AVEN: variants seen among roughly 807,000 people sequenced by gnomAD.
The protein encoded by AVEN is cell death regulator Aven.
AVEN carries 41 observed loss-of-function variants against 38.1 expected under a neutral mutation model. That is an observed-to-expected ratio of 1.08 (90% confidence interval 0.84 to 1.40). The LOEUF is 1.40. Ranked by LOEUF, AVEN falls within the 40% of genes most tolerant of loss-of-function variation. The pLI is 0.00. For synonymous variants in AVEN, 206 were observed against 171.8 expected, an observed-to-expected ratio of 1.20 and a Z score of -1.56; for missense variants, 605 against 438.8, an observed-to-expected ratio of 1.38 and a Z score of -3.38.
chr15:33,855,153 C>G (rs115722051), downstream of AVEN, among the ~76,000 whole-genome samples: 1 of 151,882 alleles, frequency 6.6e-6, no homozygotes, highest in East Asian at 1.9e-4. Context: ...ACATTTAGAT[C>G]AACCAGGAGA....
intron 2 of AVEN, among the ~76,000 whole-genome samples, chr15:33,971,656 G>A (rs189984033): frequency 1.7e-4 from 26 of 151,920 alleles, no homozygotes; most frequent in African/African-American, 5.6e-4. Context: ...ATTTTTAAAT[G>A]CATTAAATAT....
chr15:33,854,249 G>A, downstream of AVEN: 1 of 669,878 alleles, frequency 1.5e-6, no homozygotes, highest in South Asian at 1.8e-5. Context: ...TGTCTCATGG[G>A]GAGCACATAC....
chr15:33,918,763 C>A (rs1046551428), intron 2 of AVEN, among the ~76,000 whole-genome samples: 35 of 151,806 alleles, frequency 2.3e-4, no homozygotes, highest in Non-Finnish European at 4.3e-4. Context: ...CCTACAGCAT[C>A]CTTTTTGTAA....
intron 2 of AVEN, among the ~76,000 whole-genome samples, chr15:33,881,133 G>A (rs1056733709): frequency 1.3e-5 from 2 of 152,098 alleles, no homozygotes; most frequent in African/African-American, 4.8e-5. Flanking sequence ...CTGTCACCCT[G>A]GCTGGAGTGC....
At chr15:33,964,772 T>C (rs1895323934) in intron 2 of AVEN, among the ~76,000 whole-genome samples, 1 of 152,158 alleles carries the variant, frequency 6.6e-6, no homozygotes, top group Non-Finnish European at 1.5e-5. Flanking sequence ...GAAGAACACA[T>C]TCCCTATATA....
intron 3 of AVEN, among the ~76,000 whole-genome samples, chr15:33,875,529 A>G (rs1891183492): frequency 6.6e-6 from 1 of 152,214 alleles, no homozygotes; most frequent in Admixed American, 6.5e-5. Context: ...TTAAAGCTGC[A>G]AGGTTAAGGG....
the AVEN span, chr15:33,852,529 T>G: frequency 6.4e-6 from 1 of 155,232 alleles, no homozygotes. Flanking sequence ...ACACTCAGCT[T>G]AAAAAATCCA....
At chr15:34,028,843 C>T (rs1567476844) in intron 1 of AVEN, among the ~76,000 whole-genome samples, 1 of 151,640 alleles carries the variant, frequency 6.6e-6, no homozygotes, top group Non-Finnish European at 1.5e-5. Flanking sequence ...CCACCATCAT[C>T]GGCCACCACA....
chr15:33,952,729 G>A (rs1011455108), intron 2 of AVEN, among the ~76,000 whole-genome samples: 6 of 151,874 alleles, frequency 4.0e-5, no homozygotes, highest in Non-Finnish European at 7.4e-5. Context: ...AAACAGCATG[G>A]ACAAGAATTT....
Position 34,039,061 on chromosome 15 carries a change from C to G in AVEN, c.-15G>C, listed in dbSNP as rs891905059. 3.7e-6 allele frequency: 4 copies of G among 1,092,092 alleles called. No homozygotes were observed. Among genetic ancestry groups the G allele is most frequent in the Non-Finnish European group, 2.2e-6 (2 of 899,862 alleles). 67.7% of individuals were successfully genotyped at this position (1,092,092 alleles called of 1,614,324 possible). On this transcript the variant is annotated 5_prime_UTR_variant, in exon 1 of 6. Coordinates refer to ENST00000306730, the MANE Select transcript of AVEN (RefSeq NM_020371.3). ...TCCGCCTGCATCTGGCCGCCGCTGG[C>G]GGTGCTGAGCGCGCGGGAGCCGAGC...
chr15:34,035,360 T>G (rs927636337), intron 1 of AVEN, among the ~76,000 whole-genome samples: 3 of 152,170 alleles, frequency 2.0e-5, no homozygotes, highest in Non-Finnish European at 2.9e-5. Context: ...TAAAACCTTA[T>G]AACCATACTA....
In AVEN at chr15:34,004,444, A is replaced by G. The variant is rs539250699; in HGVS notation, c.268-1235T>C. Among the ~76,000 whole-genome samples, 32 of 152,362 alleles carry G rather than the reference A, an allele frequency of 2.1e-4. 1 individual carries two copies. The South Asian group carries it at 3.7e-3, about 18-fold the overall frequency. On this transcript the variant is annotated intron_variant, in intron 1 of 5. Coordinates refer to ENST00000306730, the MANE Select transcript of AVEN (RefSeq NM_020371.3). The stretch of plus-strand genomic sequence containing the variant: ...AGAGCTTAAGGCATAATCAGTTGTA[A>G]TGTAGGGAACTTATTTGTACTGATT...
At chr15:33,911,848 C>T (rs1407102830) in intron 2 of AVEN, among the ~76,000 whole-genome samples, 1 of 152,214 alleles carries the variant, frequency 6.6e-6, no homozygotes, top group East Asian at 1.9e-4. Context: ...CGTTCCTTTG[C>T]TTCTGATAGA....
intron 1 of AVEN, among the ~76,000 whole-genome samples, chr15:34,017,773 C>A (rs1471207025): frequency 6.6e-6 from 1 of 152,156 alleles, no homozygotes; most frequent in African/African-American, 2.4e-5. Flanking sequence ...AGCCACTGAG[C>A]CTGGCCAGTA....
At chr15:34,039,510 A>AT (rs913232796), upstream of AVEN, among the ~76,000 whole-genome samples, 3 of 152,120 alleles carry the variant, frequency 2.0e-5, no homozygotes, top group East Asian at 1.9e-4. Context: ...AAGTGAGTTA[A>AT]TTTTTTTTCC....
At chr15:33,928,091 G>C (rs1893698728) in intron 2 of AVEN, among the ~76,000 whole-genome samples, 1 of 152,126 alleles carries the variant, frequency 6.6e-6, no homozygotes, top group Admixed American at 6.6e-5. Flanking sequence ...CCACCACGTG[G>C]GTAAAACTGT....
intron 5 of AVEN, among the ~76,000 whole-genome samples, chr15:34,044,671 G>A (rs1899619507): frequency 6.6e-6 from 1 of 152,156 alleles, no homozygotes; most frequent in Non-Finnish European, 1.5e-5. Context: ...CATAGCCTGT[G>A]GCAGGAGTCG....
At position 33,859,745 on chromosome 15, in the gene AVEN, T is replaced by C. The variant is rs527588011; in HGVS notation, n.2730-651A>G. ...CCATCATTCAAGGTATGATTGCCAA[T>C]TGTGTTGAGTATGAACAGGGTTTAA... On this transcript the variant is annotated intron_variant and non_coding_transcript_variant, in intron 11 of 11. Transcript: ENST00000675287. 6.8e-5 allele frequency: 108 copies of C among 1,598,782 alleles called. No homozygotes were observed. In the South Asian group the frequency reaches 1.0e-3, roughly 15 times the overall value.
intron 2 of AVEN, among the ~76,000 whole-genome samples, chr15:33,996,399 T>C (rs1034697946): frequency 1.3e-5 from 2 of 152,198 alleles, no homozygotes; most frequent in Non-Finnish European, 2.9e-5. Context: ...CTGAACCCCA[T>C]GTAGCCTAAC....
Sources: gnomAD v4.1 joint callset for allele counts (sites outside exome capture counted in the v4.1 genomes callset) on GRCh38, gnomAD v4.1.1 for gene constraint, MANE v1.5 for transcripts, NCBI Gene and HGNC (gene_info 2026-07-23, HGNC 2026-07-21) for gene names.